FAM184B: variants seen among roughly 807,000 people sequenced by gnomAD.
FAM184B encodes the protein family with sequence similarity 184 member B, also known as protein FAM184B.
A neutral mutation model predicts 135.9 loss-of-function variants in FAM184B; 111 were observed. The observed-to-expected ratio is 0.82, with a 90% CI of 0.70 to 0.96. The LOEUF is 0.96. Among genes scored for constraint, FAM184B ranks in the 40% least tolerant of loss-of-function variants. FAM184B has a pLI of 0.00. For synonymous variants in FAM184B, 552 were observed against 524.8 expected, an observed-to-expected ratio of 1.05 and a Z score of -0.71; for missense variants, 1,375 against 1,323.9, an observed-to-expected ratio of 1.04 and a Z score of -0.60.
chr4:17,678,227 A>G (rs902259289), intron 7 of FAM184B, among the ~76,000 whole-genome samples: 2 of 152,210 alleles, frequency 1.3e-5, no homozygotes, highest in Non-Finnish European at 2.9e-5. Context: ...GAGGAAGTCA[A>G]ACTATCACTG....
intron 3 of FAM184B, among the ~76,000 whole-genome samples, chr4:17,706,650 C>A (rs1717123616): frequency 6.6e-6 from 1 of 152,186 alleles, no homozygotes; most frequent in Non-Finnish European, 1.5e-5. Flanking sequence ...GGTCTCATTT[C>A]TTCATCTGTA....
chr4:17,744,535 A>ATCTC, intron 1 of FAM184B, among the ~76,000 whole-genome samples: 1 of 150,282 alleles, frequency 6.7e-6, no homozygotes, highest in East Asian at 2.0e-4. Context: ...TTCACCTCTC[A>ATCTC]TCTCTGCTGG....
At chr4:17,751,823 G>GCGCA (rs764575898) in intron 1 of FAM184B, among the ~76,000 whole-genome samples, 55 of 115,902 alleles carry the variant, frequency 4.7e-4, no homozygotes, top group African/African-American at 1.4e-3. Context: ...TAAAAACAAG[G>GCGCA]CACACACACA....
At chr4:17,640,197 G>A (rs936681504) in intron 13 of FAM184B, among the ~76,000 whole-genome samples, 2 of 151,492 alleles carry the variant, frequency 1.3e-5, no homozygotes, top group Admixed American at 6.6e-5. Context: ...ATTGGGCTGG[G>A]TGCGGTGGCT....
At chr4:17,667,494 C>T (rs116054267) in intron 7 of FAM184B, among the ~76,000 whole-genome samples, 2,555 of 152,316 alleles carry the variant, frequency 0.017, 80 homozygotes, top group African/African-American at 0.058. Context: ...ATGCCCACTT[C>T]CAGAGAATCA....
Position 17,709,612 on chromosome 4 carries a change from C to T in FAM184B, c.174G>A (p.Glu58=). Residue 58 remains glutamate (E), a synonymous_variant, in exon 2 of 18, where the codon GAG becomes GAA. Coordinates refer to ENST00000265018, the MANE Select transcript of FAM184B (RefSeq NM_015688.2). ...GCAGCGCCTCCATGCTGGCCTCAGC[C>T]TCATCCTGGCGGGTGTTCAGGGCAT... is the stretch of plus-strand genomic sequence containing the variant. ...VIYALNTRQD[E]AEASMEALRE... is the part of the protein sequence containing the mutation. The T allele has an allele frequency of 6.5e-7, 1 of 1,527,490 alleles. No homozygotes were observed. Among genetic ancestry groups the T allele is most frequent in the Non-Finnish European group, 8.8e-7 (1 of 1,138,222 alleles). 94.6% of individuals were successfully genotyped at this position (1,527,490 alleles called of 1,614,324 possible).
chr4:17,631,092 A>G lies in FAM184B; in HGVS notation c.*1440T>C, dbSNP rs991789594. On this transcript the variant is annotated 3_prime_UTR_variant, in exon 18 of 18. Coordinates refer to ENST00000265018, the MANE Select transcript of FAM184B (RefSeq NM_015688.2). ...GACAAATCAGTGTGGACTGAGAGCA[A>G]GGTCAGCACCGTGAACAGCCATTGC... 5.3e-5 allele frequency: 8 copies of G among 152,240 alleles called. No individual in the cohort carries two copies. The highest frequency in any genetic ancestry group is 1.9e-4 in the African/African-American group (8 of 41,456). The allele number at this position is 152,240 out of a possible 1,614,324, so 9.4% of individuals were successfully genotyped here. A position where few individuals can be genotyped will look rare whatever the true frequency, so the allele number is the denominator to read the frequency against.
At chr4:17,643,735 CAT>C (rs1247629937) in intron 12 of FAM184B, among the ~76,000 whole-genome samples, 2 of 152,370 alleles carry the variant, frequency 1.3e-5, no homozygotes, top group Non-Finnish European at 2.9e-5. Context: ...ATCTGGCACA[CAT>C]GATTCCCATG....
intron 14 of FAM184B, among the ~76,000 whole-genome samples, chr4:17,638,134 CTTTT>C (rs56926847): frequency 2.7e-5 from 2 of 73,418 alleles, no homozygotes; most frequent in Admixed American, 1.8e-4. Flanking sequence ...TAACTGTTTG[CTTTT>C]TTTTTTTTTT....
chr4:17,685,471 C>G (rs1300919290), intron 7 of FAM184B, among the ~76,000 whole-genome samples: 1 of 150,584 alleles, frequency 6.6e-6, no homozygotes, highest in Admixed American at 6.7e-5. Flanking sequence ...ATCGCTTGAA[C>G]CCGGGAGGTG....
chr4:17,707,595 C>A, intron 3 of FAM184B, 54 bp downstream of exon 3: 2 of 1,543,576 alleles, frequency 1.3e-6, no homozygotes, highest in South Asian at 1.2e-5. Context: ...AGCACCAGAC[C>A]AACCTGGCAG....
At chr4:17,643,846 C>T (rs10470795) in intron 12 of FAM184B, among the ~76,000 whole-genome samples, 10,231 of 152,090 alleles carry the variant, frequency 0.067, 871 homozygotes, top group African/African-American at 0.2. Context: ...GGTGGGGAGG[C>T]GATGAGGCAG....
chr4:17,632,789 G>T, intron 17 of FAM184B, 164 bp from the exon 18 acceptor site: 2 of 546,298 alleles, frequency 3.7e-6, no homozygotes, highest in South Asian at 4.3e-5. Flanking sequence ...TAAAGGATGG[G>T]GCTGGGGAGG....
intron 1 of FAM184B, among the ~76,000 whole-genome samples, chr4:17,718,708 C>T (rs1717451433): frequency 6.6e-6 from 1 of 152,216 alleles, no homozygotes; most frequent in Admixed American, 6.5e-5. Context: ...ACAAGAAAAG[C>T]CTGTGCTGGG....
intron 14 of FAM184B, 32 bp downstream of exon 14, chr4:17,639,218 A>C (rs1428728919): frequency 6.5e-7 from 1 of 1,549,602 alleles, no homozygotes; most frequent in Non-Finnish European, 8.7e-7. Context: ...TACATTTGCA[A>C]GACCCTCCCT....
intron 1 of FAM184B, among the ~76,000 whole-genome samples, chr4:17,760,352 T>C (rs564322657): frequency 9.8e-4 from 149 of 151,822 alleles, no homozygotes; most frequent in African/African-American, 3.5e-3. Context: ...TAGTCCCAGG[T>C]ACTCAGGTTG....
At chr4:17,777,222 A>G (rs537260142) in intron 1 of FAM184B, among the ~76,000 whole-genome samples, 4 of 152,344 alleles carry the variant, frequency 2.6e-5, no homozygotes, top group Admixed American at 2.6e-4. Flanking sequence ...GATGAATCTT[A>G]AAGAATTAGA....
At chr4:17,755,013 A>C (rs963471618) in intron 1 of FAM184B, among the ~76,000 whole-genome samples, 1 of 152,030 alleles carries the variant, frequency 6.6e-6, no homozygotes, top group Non-Finnish European at 1.5e-5. Context: ...GGTGTGAACC[A>C]CCACACCTGG....
At chr4:17,661,268 G>A (rs974378842) in intron 8 of FAM184B, among the ~76,000 whole-genome samples, 4 of 152,004 alleles carry the variant, frequency 2.6e-5, no homozygotes, top group East Asian at 1.9e-4. Flanking sequence ...AACTAACTAC[G>A]GGCTGGGTGC....
Sources: gnomAD v4.1 joint callset for allele counts (sites outside exome capture counted in the v4.1 genomes callset) on GRCh38, gnomAD v4.1.1 for gene constraint, MANE v1.5 for transcripts, NCBI Gene and HGNC (gene_info 2026-07-23, HGNC 2026-07-21) for gene names.